The following MAF variants were observed in gnomAD, a reference collection of about 807,000 sequenced individuals.
MAF encodes transcription factor Maf.
In MAF, 10 loss-of-function variants were observed where a neutral mutation model predicts 22.0. That is an observed-to-expected ratio of 0.45 (90% confidence interval 0.28 to 0.77). MAF has a LOEUF of 0.77. Among genes scored for constraint, MAF ranks in the 30% least tolerant of loss-of-function variants. The probability of loss-of-function intolerance (pLI) is 0.12; values close to 1 mark genes in which losing one functional copy is unlikely to be tolerated. For missense variants in MAF, 544 were observed against 548.4 expected, an observed-to-expected ratio of 0.99 and a Z score of 0.08; for synonymous variants, 337 against 255.8, an observed-to-expected ratio of 1.32 and a Z score of -3.03.
rs562746694 is a variant in MAF at position 79,594,428 on chromosome 16, AT to A, written c.*31del. On this transcript the variant is annotated 3_prime_UTR_variant, in exon 2 of 2. Transcript: ENST00000326043. ...ACTGCAAATAATAATAATAATGATG[AT>A]TTTTTTTAATGTACAGCTCTCACAC... The A allele has an allele frequency of 3.7e-5, 48 of 1,298,602 alleles. No homozygotes were observed. Among genetic ancestry groups the A allele is most frequent in the Admixed American group, 3.4e-4 (16 of 46,832 alleles). 80.4% of individuals were successfully genotyped at this position (1,298,602 alleles called of 1,614,324 possible).
chr16:79,306,795 G>A, the MAF span, among the ~76,000 whole-genome samples: 4 of 152,176 alleles, frequency 2.6e-5, no homozygotes, highest in African/African-American at 9.7e-5. Flanking sequence ...TGGACTAGAG[G>A]CAGTCTCTCT....
chr16:79,208,155 C>A, the MAF span, among the ~76,000 whole-genome samples: 4 of 152,318 alleles, frequency 2.6e-5, no homozygotes, highest in East Asian at 3.9e-4. Flanking sequence ...CATATACTCT[C>A]AAGATTGATT....
the MAF span, among the ~76,000 whole-genome samples, chr16:79,565,309 G>A: frequency 4.6e-5 from 7 of 152,198 alleles, no homozygotes; most frequent in South Asian, 2.1e-4. Flanking sequence ...TGGCAGGGTT[G>A]AGCAGCTGCA....
At chr16:79,503,683 C>T in the MAF span, among the ~76,000 whole-genome samples, 2 of 152,136 alleles carry the variant, frequency 1.3e-5, no homozygotes, top group Admixed American at 6.5e-5. Context: ...CAAGAAAAAT[C>T]ACATGAGTGT....
the MAF span, among the ~76,000 whole-genome samples, chr16:79,375,198 G>A: frequency 6.6e-6 from 1 of 152,210 alleles, no homozygotes; most frequent in East Asian, 1.9e-4. Flanking sequence ...TTTCAGCAAG[G>A]GAGGTTTGAT....
At chr16:79,571,223 G>A in the MAF span, among the ~76,000 whole-genome samples, 446 of 152,202 alleles carry the variant, frequency 2.9e-3, 7 homozygotes, top group African/African-American at 0.01. Flanking sequence ...AGAACTTAGT[G>A]TCCCAGGGGG....
At chr16:79,288,997 T>C in the MAF span, among the ~76,000 whole-genome samples, 1 of 152,210 alleles carries the variant, frequency 6.6e-6, no homozygotes, top group African/African-American at 2.4e-5. Context: ...CCCAAAGTGT[T>C]GGGATTACAG....
chr16:79,591,072 G>A (rs535920067), downstream of MAF, among the ~76,000 whole-genome samples: 2 of 152,216 alleles, frequency 1.3e-5, no homozygotes, highest in African/African-American at 4.8e-5. Context: ...GAAGGAGAGT[G>A]ATTTTCTCTC....
the MAF span, among the ~76,000 whole-genome samples, chr16:79,334,479 T>C: frequency 6.6e-6 from 1 of 152,162 alleles, no homozygotes. Flanking sequence ...GCTGGAAATG[T>C]TCTATATCTT....
the MAF span, among the ~76,000 whole-genome samples, chr16:79,366,211 G>T: frequency 3.3e-5 from 5 of 152,272 alleles, no homozygotes; most frequent in East Asian, 1.9e-4. Flanking sequence ...CAAGGAAAAA[G>T]AATATGTAAA....
the MAF span, among the ~76,000 whole-genome samples, chr16:79,248,385 C>T: frequency 6.6e-6 from 1 of 152,278 alleles, no homozygotes; most frequent in East Asian, 1.9e-4. Context: ...ACTTCTTTAG[C>T]TCTCTAATTT....
chr16:79,238,484 T>C, the MAF span, among the ~76,000 whole-genome samples: 3 of 152,076 alleles, frequency 2.0e-5, no homozygotes, highest in South Asian at 6.2e-4. Flanking sequence ...TGGGCTATTA[T>C]GTGACCTTGT....
chr16:79,457,695 T>A, the MAF span, among the ~76,000 whole-genome samples: 2 of 152,088 alleles, frequency 1.3e-5, no homozygotes, highest in African/African-American at 2.4e-5. Flanking sequence ...CAGAATCAGT[T>A]AGTTTACACC....
At chr16:79,384,581 C>A in the MAF span, among the ~76,000 whole-genome samples, 7 of 151,720 alleles carry the variant, frequency 4.6e-5, no homozygotes, top group African/African-American at 1.7e-4. Flanking sequence ...CACGGTGAAA[C>A]CCTGTCTCTA....
chr16:79,387,663 G>T, the MAF span, among the ~76,000 whole-genome samples: 4 of 152,180 alleles, frequency 2.6e-5, no homozygotes, highest in East Asian at 3.8e-4. Flanking sequence ...GACCTCGGAG[G>T]AGGGCAGCAT....
chr16:79,278,892 G>C, the MAF span, among the ~76,000 whole-genome samples: 1 of 152,182 alleles, frequency 6.6e-6, no homozygotes, highest in Non-Finnish European at 1.5e-5. Flanking sequence ...TAATGTGAAA[G>C]TAGGTGGTGT....
At chr16:79,299,764 G>A in the MAF span, among the ~76,000 whole-genome samples, 1 of 152,244 alleles carries the variant, frequency 6.6e-6, no homozygotes, top group Non-Finnish European at 1.5e-5. Context: ...GTGCCCGTGT[G>A]TTCCAATCAC....
chr16:79,593,005 G>A (rs1412810905), downstream of MAF, among the ~76,000 whole-genome samples: 2 of 152,150 alleles, frequency 1.3e-5, no homozygotes, highest in African/African-American at 4.8e-5. Context: ...TCAGACGGCT[G>A]AAGGTTGTCA....
the MAF span, among the ~76,000 whole-genome samples, chr16:79,445,134 C>T: frequency 3.3e-5 from 5 of 152,044 alleles, no homozygotes; most frequent in African/African-American, 7.2e-5. Flanking sequence ...CCTGGGTTCA[C>T]GCCATTCTCC....
Sources: allele counts gnomAD v4.1 joint callset (sites outside exome capture counted in the v4.1 genomes callset), GRCh38; gene constraint gnomAD v4.1.1; transcripts MANE v1.5; gene names NCBI Gene and HGNC (gene_info 2026-07-23, HGNC 2026-07-21).